KIAA1549: variants seen among roughly 807,000 people sequenced by gnomAD.
KIAA1549 encodes UPF0606 protein KIAA1549.
Under a neutral mutation model 156.4 loss-of-function variants are expected in KIAA1549, and 70 were observed. That is an observed-to-expected ratio of 0.45 (90% CI 0.37 to 0.55). The LOEUF (loss-of-function observed/expected upper bound fraction) is 0.55. Ranked by LOEUF, KIAA1549 falls within the 20% of genes least tolerant of loss-of-function variation. The pLI, the probability that KIAA1549 is intolerant of heterozygous loss-of-function variation, is 0.00. For synonymous variants in KIAA1549, 1,103 were observed against 1,066.4 expected, an observed-to-expected ratio of 1.03 and a Z score of -0.67; for missense variants, 2,428 against 2,540.9, an observed-to-expected ratio of 0.96 and a Z score of 0.96.
intron 1 of KIAA1549, among the ~76,000 whole-genome samples, chr7:138,938,252 G>A (rs919975750): frequency 1.3e-5 from 2 of 152,196 alleles, no homozygotes; most frequent in Non-Finnish European, 2.9e-5. Flanking sequence ...AACTGTGAGT[G>A]ATAATTTTCT....
At chr7:138,844,202 T>TG (rs1810002622) in intron 18 of KIAA1549, 115 bp downstream of exon 18, 1 of 1,211,078 alleles carries the variant, frequency 8.3e-7, no homozygotes, top group Non-Finnish European at 1.2e-6. Context: ...GAAACAGCCC[T>TG]GAAACAGCAG....
chr7:138,850,451 AT>A (rs1810204771), intron 17 of KIAA1549, among the ~76,000 whole-genome samples: 1 of 152,170 alleles, frequency 6.6e-6, no homozygotes, highest in African/African-American at 2.4e-5. Flanking sequence ...AATCAGTGAT[AT>A]TGAGCTTTTT....
At chr7:138,899,303 G>A in intron 8 of KIAA1549, 171 bp from the exon 9 acceptor site, 1 of 657,562 alleles carries the variant, frequency 1.5e-6, no homozygotes, top group South Asian at 1.8e-5. Flanking sequence ...TTGATGGGAA[G>A]AGGGACAGTG....
intron 17 of KIAA1549, among the ~76,000 whole-genome samples, chr7:138,851,951 C>T (rs1810247823): frequency 6.6e-6 from 1 of 152,218 alleles, no homozygotes; most frequent in African/African-American, 2.4e-5. Context: ...GCTTCACTGC[C>T]CTGTTAACTC....
chr7:138,877,499 G>A (rs569566291), intron 12 of KIAA1549, among the ~76,000 whole-genome samples: 1 of 152,020 alleles, frequency 6.6e-6, no homozygotes, highest in East Asian at 1.9e-4. Flanking sequence ...GTCTCAAAAA[G>A]CAAAAAATTT....
intron 1 of KIAA1549, among the ~76,000 whole-genome samples, chr7:138,921,702 T>TA (rs1313244413): frequency 6.6e-6 from 1 of 151,826 alleles, no homozygotes; most frequent in Non-Finnish European, 1.5e-5. Context: ...CCATCTCCAC[T>TA]AAAAATACAA....
intron 10 of KIAA1549, among the ~76,000 whole-genome samples, chr7:138,889,504 T>C (rs1336906105): frequency 6.6e-6 from 1 of 152,210 alleles, no homozygotes. Flanking sequence ...AGATACAATA[T>C]TTTGTTAAGT....
intron 1 of KIAA1549, among the ~76,000 whole-genome samples, chr7:138,948,745 T>A (rs1455614302): frequency 6.6e-6 from 1 of 150,388 alleles, no homozygotes; most frequent in African/African-American, 2.5e-5. Flanking sequence ...CAGGCTGGAG[T>A]GCAATGGCGT....
Position 138,844,406 on chromosome 7 carries a change from G to A in KIAA1549, c.5363C>T (p.Ala1788Val), listed in dbSNP as rs1448599608. ...LVPPDPQQPQ[A>V]SAEAPFAARG... is the part of the protein sequence containing the mutation. ...GGCAGCAAATGGGGCTTCGGCGGAG[G>A]CCTGTGGCTGCTGAGGGTCAGGGGG... Residue 1788 changes from alanine to valine, a missense_variant, in exon 18 of 20, where the codon GCC (alanine) becomes GTC (valine). By Grantham distance (64) the Ala-to-Val change is moderately conservative. Coordinates refer to ENST00000422774, the MANE Select transcript of KIAA1549 (RefSeq NM_001164665.2). 2 of 1,602,994 alleles carry A rather than the reference G, an allele frequency of 1.2e-6. No individual in the cohort carries two copies. The highest frequency in any genetic ancestry group is 1.7e-6 in the Non-Finnish European group (2 of 1,174,494).
rs1047485284 is a variant in KIAA1549, at chr7:138,951,879, G to T, written c.187+29204C>A. ...AAAAGTTACCTTTATAAAAACTACG[G>T]AAAGCAACTGCTTGGTTTTAACAAA... On this transcript the variant is annotated intron_variant, in intron 1 of 19. Coordinates refer to ENST00000422774, the MANE Select transcript of KIAA1549 (RefSeq NM_001164665.2). Among the ~76,000 whole-genome samples the T allele has an allele frequency of 6.6e-5, 10 of 152,152 alleles. No individual in the cohort carries two copies. In the East Asian group the frequency reaches 1.7e-3, roughly 26 times the overall value.
At chr7:138,908,001 C>A (rs1200542960) in intron 5 of KIAA1549, among the ~76,000 whole-genome samples, 1 of 152,126 alleles carries the variant, frequency 6.6e-6, no homozygotes, top group African/African-American at 2.4e-5. Flanking sequence ...CAGAGAGAAG[C>A]CCACGCTGAC....
At chr7:138,853,868 T>G (rs1810303072) in intron 16 of KIAA1549, among the ~76,000 whole-genome samples, 1 of 152,322 alleles carries the variant, frequency 6.6e-6, no homozygotes. Flanking sequence ...CATATTCATA[T>G]GCAAAATCTA....
At chr7:138,852,546 C>T (rs1810265498) in intron 16 of KIAA1549, among the ~76,000 whole-genome samples, 1 of 152,216 alleles carries the variant, frequency 6.6e-6, no homozygotes, top group East Asian at 1.9e-4. Flanking sequence ...GACAGGCTTG[C>T]TGTGCCTGCT....
rs199814331 is a variant in KIAA1549 at position 138,909,079 on chromosome 7, T to A, written c.3188A>T (p.Asn1063Ile). 6.2e-7 allele frequency: 1 copy of A among 1,613,704 alleles called. No homozygotes were observed. Among genetic ancestry groups the A allele is most frequent in the Non-Finnish European group, 8.5e-7 (1 of 1,179,852 alleles). ...GCCTTTCTCAATGCGCTGGGTGAAG[T>A]TGCAGAAGCCAGTATCCACACTCGG... ...VPPSVDTGFC[N>I]FTQRIEKGLM... Residue 1063 changes from asparagine (N) to isoleucine (I), a missense_variant, in exon 5 of 20, where the codon AAC becomes ATC. Asn to Ile is a moderately radical substitution (Grantham distance 149). Transcript: ENST00000422774.
intron 1 of KIAA1549, among the ~76,000 whole-genome samples, chr7:138,944,348 C>A (rs1275108402): frequency 6.6e-6 from 1 of 152,056 alleles, no homozygotes; most frequent in Non-Finnish European, 1.5e-5. Context: ...AAATCAAAAG[C>A]ACAATAAAAT....
rs1344806892 is a variant in KIAA1549, at chr7:138,861,344, T to C, written c.5042A>G (p.Glu1681Gly). 1.2e-6 allele frequency: 2 copies of C among 1,608,814 alleles called. No homozygotes were observed. The highest frequency in any genetic ancestry group is 1.7e-6 in the Non-Finnish European group (2 of 1,178,406). ...GGAGTGCATGGTCTGGCGTGCCTCC[T>C]CGATGGACGGCTGGGGTGGGATGTA... The part of the protein sequence containing the change: ...SQYIPPQPSI[E>G]EARQTMHSLL... Residue 1681 changes from glutamate (E) to glycine (G), a missense_variant, in exon 16 of 20, where the codon GAG becomes GGG. Physicochemically the swap from Glu to Gly is moderately conservative, Grantham distance 98. Transcript: ENST00000422774.
chr7:138,929,786 C>T (rs187935621), intron 1 of KIAA1549, among the ~76,000 whole-genome samples: 216 of 152,268 alleles, frequency 1.4e-3, no homozygotes, highest in African/African-American at 5.0e-3. Context: ...AACTCCTGGG[C>T]TCAAGGAATC....
chr7:138,912,816 C>T (rs370104611), intron 2 of KIAA1549, among the ~76,000 whole-genome samples: 2 of 152,170 alleles, frequency 1.3e-5, no homozygotes, highest in Admixed American at 1.3e-4. Flanking sequence ...AAATTCCAGG[C>T]TGTCTCTCGG....
At chr7:138,954,709 C>T (rs1051218153) in intron 1 of KIAA1549, among the ~76,000 whole-genome samples, 3 of 152,170 alleles carry the variant, frequency 2.0e-5, no homozygotes, top group Non-Finnish European at 4.4e-5. Flanking sequence ...AAGCCTCTGC[C>T]GCTCGTGGAG....
Sources: allele counts gnomAD v4.1 joint callset (sites outside exome capture counted in the v4.1 genomes callset), GRCh38; gene constraint gnomAD v4.1.1; transcripts MANE v1.5; gene names NCBI Gene and HGNC (gene_info 2026-07-23, HGNC 2026-07-21).